The following TRAPPC9 variants were observed in gnomAD, a reference collection of about 807,000 sequenced individuals.
The protein encoded by TRAPPC9 is trafficking protein particle complex subunit 9.
A neutral mutation model predicts 124.0 loss-of-function variants in TRAPPC9; 83 were observed. The ratio of observed to expected loss-of-function variants is 0.67; its 90% CI spans 0.56 to 0.80. The LOEUF (loss-of-function observed/expected upper bound fraction) is 0.80. Among genes scored for constraint, TRAPPC9 ranks in the 30% least tolerant of loss-of-function variants. TRAPPC9 has a pLI of 0.00. For synonymous variants in TRAPPC9, 638 were observed against 617.5 expected (o/e 1.03, Z -0.49); for missense variants, 1,302 against 1,508.3 (o/e 0.86, Z 2.27).
chr8:139,871,258 T>G (rs1357337012), intron 21 of TRAPPC9, among the ~76,000 whole-genome samples: 2 of 152,174 alleles, frequency 1.3e-5, no homozygotes, highest in Non-Finnish European at 2.9e-5. Context: ...CCACCTTGGG[T>G]AGGCATAGGG....
intron 2 of TRAPPC9, among the ~76,000 whole-genome samples, chr8:140,445,179 G>A (rs192684055): frequency 4.6e-5 from 7 of 152,102 alleles, no homozygotes; most frequent in Non-Finnish European, 8.8e-5. Context: ...ACAGCCCACC[G>A]GCTACTCTGT....
intron 21 of TRAPPC9, among the ~76,000 whole-genome samples, chr8:139,817,757 C>A (rs1163227183): frequency 6.6e-6 from 1 of 152,224 alleles, no homozygotes; most frequent in Non-Finnish European, 1.5e-5. Flanking sequence ...CCATGAGCTG[C>A]TCACTCCTCT....
intron 21 of TRAPPC9, among the ~76,000 whole-genome samples, chr8:139,796,954 A>G (rs1267125068): frequency 6.6e-6 from 1 of 152,250 alleles, no homozygotes; most frequent in Admixed American, 6.5e-5. Flanking sequence ...GGTGAAAAGC[A>G]GTATCTCATT....
chr8:139,852,862 A>T (rs1827574100), intron 21 of TRAPPC9, among the ~76,000 whole-genome samples: 1 of 152,140 alleles, frequency 6.6e-6, no homozygotes, highest in Non-Finnish European at 1.5e-5. Context: ...ATCTTTCAAA[A>T]TATGGGCAGC....
At chr8:140,180,325 C>T (rs7387797) in intron 17 of TRAPPC9, among the ~76,000 whole-genome samples, 78,234 of 151,716 alleles carry the variant, frequency 0.52, 22,203 homozygotes, top group East Asian at 0.99. Context: ...ATGTAAGAAT[C>T]TACCACCATA....
At chr8:139,956,561 C>T (rs1370623570) in intron 19 of TRAPPC9, among the ~76,000 whole-genome samples, 3 of 152,334 alleles carry the variant, frequency 2.0e-5, no homozygotes, top group East Asian at 1.9e-4. Context: ...CCCTCCACCA[C>T]GGTGTCTCGT....
chr8:140,334,689 G>A lies in TRAPPC9; in HGVS notation c.1496-23315C>T, dbSNP rs559367976. On this transcript the variant is annotated intron_variant, in intron 9 of 22. Transcript: ENST00000438773. Reference sequence around the variant, plus strand: ...AATAAATAAATAAATAAATAAATAAGTTCCACATGTATTGACTACTTTCTA... The same window carrying A: ...AATAAATAAATAAATAAATAAATAAATTCCACATGTATTGACTACTTTCTA... Among the ~76,000 whole-genome samples the A allele has an allele frequency of 5.6e-5, 8 of 143,294 alleles. 1 individual carries two copies. The highest frequency in any genetic ancestry group is 7.8e-5 in the Non-Finnish European group (5 of 64,208). 94.0% of individuals were successfully genotyped at this position (143,294 alleles called of 152,430 possible).
At chr8:140,375,098 C>T (rs1226408141) in intron 7 of TRAPPC9, among the ~76,000 whole-genome samples, 2 of 152,088 alleles carry the variant, frequency 1.3e-5, no homozygotes, top group South Asian at 2.1e-4. Context: ...CATGTTTGGT[C>T]GACACAGGCA....
At chr8:140,297,846 T>C (rs1490820263) in intron 11 of TRAPPC9, among the ~76,000 whole-genome samples, 8 of 152,236 alleles carry the variant, frequency 5.3e-5, no homozygotes, top group Admixed American at 5.2e-4. Context: ...CTTGCCTGCA[T>C]GAACTAAACT....
At chr8:139,866,428 C>G (rs924037773) in intron 21 of TRAPPC9, among the ~76,000 whole-genome samples, 1 of 152,154 alleles carries the variant, frequency 6.6e-6, no homozygotes, top group Non-Finnish European at 1.5e-5. Context: ...GGCATCCACA[C>G]AGTGGGGAGG....
intron 9 of TRAPPC9, among the ~76,000 whole-genome samples, chr8:140,322,473 T>C (rs1266901088): frequency 6.6e-6 from 1 of 152,152 alleles, no homozygotes; most frequent in Non-Finnish European, 1.5e-5. Context: ...AAGGGGGTTA[T>C]GTTAAAAATG....
At chr8:140,144,307 C>A (rs2130789907) in intron 17 of TRAPPC9, among the ~76,000 whole-genome samples, 1 of 152,274 alleles carries the variant, frequency 6.6e-6, no homozygotes, top group South Asian at 2.1e-4. Flanking sequence ...GTCTTCTAAT[C>A]CATGAATATG....
At chr8:140,000,779 T>TG (rs141078408) in intron 18 of TRAPPC9, among the ~76,000 whole-genome samples, 14,226 of 150,800 alleles carry the variant, frequency 0.094, 1,232 homozygotes, top group African/African-American at 0.23. Context: ...TTTACACTGT[T>TG]GGTGGGAGCG....
chr8:139,857,929 A>G (rs895755546), intron 21 of TRAPPC9, among the ~76,000 whole-genome samples: 2 of 152,268 alleles, frequency 1.3e-5, no homozygotes, highest in Admixed American at 1.3e-4. Flanking sequence ...CCATCGAGCC[A>G]TCAGCTCAAC....
intron 17 of TRAPPC9, among the ~76,000 whole-genome samples, chr8:140,078,859 C>T (rs1843655181): frequency 6.6e-6 from 1 of 152,150 alleles, no homozygotes; most frequent in African/African-American, 2.4e-5. Context: ...GGCTTTTCAA[C>T]TCTGACATTC....
chr8:140,385,397 T>A (rs531818228), intron 7 of TRAPPC9, among the ~76,000 whole-genome samples: 1 of 151,512 alleles, frequency 6.6e-6, no homozygotes, highest in East Asian at 1.9e-4. Flanking sequence ...TTTGAAAAGA[T>A]CAACAAAATT....
chr8:140,082,717 C>T (rs1333415219), intron 17 of TRAPPC9, among the ~76,000 whole-genome samples: 3 of 152,150 alleles, frequency 2.0e-5, no homozygotes, highest in Admixed American at 6.5e-5. Context: ...TTGTTAAACA[C>T]GTTCTTTTCT....
chr8:139,902,687 G>A (rs571273519), intron 20 of TRAPPC9, among the ~76,000 whole-genome samples: 1 of 152,154 alleles, frequency 6.6e-6, no homozygotes, highest in Non-Finnish European at 1.5e-5. Flanking sequence ...TTTTTCAGGA[G>A]ATAAGACAGA....
chr8:139,729,642 T>C lies in TRAPPC9; in HGVS notation c.*1419A>G, dbSNP rs1817707279. Among the ~76,000 whole-genome samples the C allele has an allele frequency of 6.6e-6, 1 of 152,196 alleles. No homozygotes were observed. Among genetic ancestry groups the C allele is most frequent in the Non-Finnish European group, 1.5e-5 (1 of 68,034 alleles). ...GCCACAGATGGAACAAAAAATTTGT[T>C]CCTTAGGCCGGAGGCCACAGGGTGA... is the stretch of plus-strand genomic sequence containing the variant. On this transcript the variant is annotated 3_prime_UTR_variant, in exon 23 of 23. Coordinates refer to ENST00000438773, the MANE Select transcript of TRAPPC9 (RefSeq NM_001160372.4).
Sources: gnomAD v4.1 joint callset for allele counts (sites outside exome capture counted in the v4.1 genomes callset) on GRCh38, gnomAD v4.1.1 for gene constraint, MANE v1.5 for transcripts, NCBI Gene and HGNC (gene_info 2026-07-23, HGNC 2026-07-21) for gene names.